Variants in ZC3H12B observed in about 807,000 individuals in gnomAD.
The protein encoded by ZC3H12B is zinc finger CCCH-type containing 12B.
Under a neutral mutation model 43.9 loss-of-function variants are expected in ZC3H12B, and 7 were observed. The ratio of observed to expected loss-of-function variants is 0.16; its 90% CI spans 0.09 to 0.30. The LOEUF is 0.30. Ranked by LOEUF, ZC3H12B falls within the 10% of genes least tolerant of loss-of-function variation. The probability of loss-of-function intolerance (pLI) is 1.00; values close to 1 mark genes in which losing one functional copy is unlikely to be tolerated. For missense variants in ZC3H12B, 475 were observed against 670.2 expected, an observed-to-expected ratio of 0.71 and a Z score of 3.22; for synonymous variants, 222 against 241.7, an observed-to-expected ratio of 0.92 and a Z score of 0.76.
the ZC3H12B span, among the ~76,000 whole-genome samples, chrX:65,321,869 C>G: frequency 9.1e-6 from 1 of 110,174 alleles, no homozygotes; most frequent in Non-Finnish European, 1.9e-5. Context: ...AAGAAGGGAG[C>G]AATATCACCG....
chrX:65,088,223 C>G, the ZC3H12B span, among the ~76,000 whole-genome samples: 11 of 111,547 alleles, frequency 9.9e-5, no homozygotes, highest in African/African-American at 2.9e-4. Context: ...TAAAAATCAT[C>G]TATGATAGTA....
chrX:65,417,077 C>T (rs1161766000), intron 3 of ZC3H12B, among the ~76,000 whole-genome samples: 2 of 111,121 alleles, frequency 1.8e-5, no homozygotes, highest in Admixed American at 9.6e-5. Context: ...GAAATATTTC[C>T]CAAGCCTAGA....
chrX:65,185,488 G>A, the ZC3H12B span: 1 of 111,840 alleles, frequency 8.9e-6, no homozygotes, highest in Non-Finnish European at 1.9e-5. Flanking sequence ...TATTTCCTAT[G>A]TCTCTTTAGA....
At chrX:65,358,519 A>G in the ZC3H12B span, among the ~76,000 whole-genome samples, 1 of 112,138 alleles carries the variant, frequency 8.9e-6, no homozygotes, top group Non-Finnish European at 1.9e-5. Context: ...AGAACTCAGG[A>G]TTAAGAAACT....
the ZC3H12B span, among the ~76,000 whole-genome samples, chrX:65,283,170 T>C: frequency 9.0e-6 from 1 of 110,717 alleles, no homozygotes; most frequent in Non-Finnish European, 1.9e-5. Context: ...TGGTTCAACA[T>C]ATGAAAATCA....
At chrX:65,225,893 G>A in the ZC3H12B span, among the ~76,000 whole-genome samples, 9 of 112,088 alleles carry the variant, frequency 8.0e-5, no homozygotes, top group African/African-American at 2.9e-4. Context: ...CCAAATCTAC[G>A]TCTGATTGGT....
At chrX:65,179,408 A>T in the ZC3H12B span, among the ~76,000 whole-genome samples, 9 of 91,654 alleles carry the variant, frequency 9.8e-5, no homozygotes, top group Non-Finnish European at 1.6e-4. Flanking sequence ...AAGTTATTTA[A>T]AAAAAAAAAA....
At chrX:65,328,913 G>A in the ZC3H12B span, among the ~76,000 whole-genome samples, 1 of 109,942 alleles carries the variant, frequency 9.1e-6, no homozygotes, top group Non-Finnish European at 1.9e-5. Flanking sequence ...ATTCCATGGT[G>A]TATATGTGCC....
At chrX:65,155,768 G>A in the ZC3H12B span, among the ~76,000 whole-genome samples, 2 of 110,691 alleles carry the variant, frequency 1.8e-5, no homozygotes, top group Non-Finnish European at 3.8e-5. Context: ...GTTGATGTGG[G>A]AAGATCACTT....
the ZC3H12B span, among the ~76,000 whole-genome samples, chrX:65,117,447 G>A: frequency 5.0e-3 from 554 of 111,755 alleles, 4 homozygotes; most frequent in African/African-American, 0.017. Flanking sequence ...TTTTTTTGTA[G>A]AATATGGATA....
chrX:65,123,124 T>G, the ZC3H12B span, among the ~76,000 whole-genome samples: 2 of 111,929 alleles, frequency 1.8e-5, no homozygotes, highest in Admixed American at 9.4e-5. Flanking sequence ...TTATTGAGAG[T>G]TTTTAGCATG....
intron 2 of ZC3H12B, among the ~76,000 whole-genome samples, chrX:65,377,426 C>A (rs888648579): frequency 9.1e-6 from 1 of 110,194 alleles, no homozygotes; most frequent in Non-Finnish European, 1.9e-5. Context: ...GGTTACAGAA[C>A]CCCAAGTAGA....
At chrX:65,463,929 T>C (rs764820634) in intron 3 of ZC3H12B, among the ~76,000 whole-genome samples, 1 of 111,621 alleles carries the variant, frequency 9.0e-6, no homozygotes, top group South Asian at 3.8e-4. Context: ...CTGTCTGTGT[T>C]GTTACAAGTT....
the ZC3H12B span, among the ~76,000 whole-genome samples, chrX:65,284,253 A>AC: frequency 0.087 from 7,412 of 85,043 alleles, 909 homozygotes; most frequent in African/African-American, 0.32. Flanking sequence ...CACACACACA[A>AC]AAAAAAAAAA....
At chrX:65,268,177 A>C in the ZC3H12B span, among the ~76,000 whole-genome samples, 1 of 112,011 alleles carries the variant, frequency 8.9e-6, no homozygotes, top group Non-Finnish European at 1.9e-5. Flanking sequence ...GAAACAAATA[A>C]ATTTCTAGAA....
chrX:65,166,115 A>G, the ZC3H12B span, among the ~76,000 whole-genome samples: 1 of 111,200 alleles, frequency 9.0e-6, no homozygotes, highest in Non-Finnish European at 1.9e-5. Context: ...TTACATAGTT[A>G]TACATGTGCC....
the ZC3H12B span, among the ~76,000 whole-genome samples, chrX:65,065,327 G>A: frequency 2.7e-5 from 3 of 111,674 alleles, no homozygotes; most frequent in African/African-American, 9.8e-5. Flanking sequence ...GCTCTTGTAA[G>A]GCAGGCCTGG....
the ZC3H12B span, among the ~76,000 whole-genome samples, chrX:65,150,353 G>C: frequency 1.8e-5 from 2 of 110,700 alleles, no homozygotes; most frequent in South Asian, 7.8e-4. Flanking sequence ...CTGAGACAAA[G>C]ACTGAATATT....
the ZC3H12B span, among the ~76,000 whole-genome samples, chrX:65,254,142 C>T: frequency 8.9e-6 from 1 of 112,261 alleles, no homozygotes. Flanking sequence ...GCACTCCACC[C>T]CCCCACTGCC....
Sources: allele counts gnomAD v4.1 joint callset (sites outside exome capture counted in the v4.1 genomes callset), GRCh38; gene constraint gnomAD v4.1.1; transcripts MANE v1.5; gene names NCBI Gene and HGNC (gene_info 2026-07-23, HGNC 2026-07-21).